Variants in LUC7L observed in about 807,000 individuals in gnomAD.
LUC7L encodes LUC7 like.
LUC7L carries 29 observed loss-of-function variants against 51.1 expected under a neutral mutation model. That is an observed-to-expected ratio of 0.57 (90% confidence interval 0.42 to 0.77). The LOEUF (loss-of-function observed/expected upper bound fraction) is 0.77, where lower values mean the gene tolerates loss of function less well. Ranked by LOEUF, LUC7L falls within the 30% of genes least tolerant of loss-of-function variation. LUC7L has a pLI of 0.00. For missense variants in LUC7L, 403 were observed against 511.9 expected, an observed-to-expected ratio of 0.79 and a Z score of 2.05; for synonymous variants, 181 against 180.7, an observed-to-expected ratio of 1.00 and a Z score of -0.01.
At chr16:192,463 G>GTGTTT (rs953207114) in intron 7 of LUC7L, among the ~76,000 whole-genome samples, 1 of 149,992 alleles carries the variant, frequency 6.7e-6, no homozygotes, top group Non-Finnish European at 1.5e-5. Flanking sequence ...GCGCTGGGAC[G>GTGTTT]TGTTTTGTTT....
At chr16:197,824 T>C (rs534328189) in intron 6 of LUC7L, among the ~76,000 whole-genome samples, 1 of 152,218 alleles carries the variant, frequency 6.6e-6, no homozygotes, top group South Asian at 2.1e-4. Flanking sequence ...TCCACTACAT[T>C]TCAGGTATAC....
intron 2 of LUC7L, among the ~76,000 whole-genome samples, chr16:224,294 G>A (rs1328927216): frequency 5.9e-5 from 9 of 151,610 alleles, no homozygotes; most frequent in African/African-American, 9.7e-5. Flanking sequence ...CGAGGAGGGC[G>A]GATCACCTTA....
intron 1 of LUC7L, chr16:228,287 CA>C: frequency 7.7e-6 from 10 of 1,301,254 alleles, no homozygotes; most frequent in Non-Finnish European, 1.0e-5. Flanking sequence ...TGAAAAAAAG[CA>C]AACACTTTTT....
intron 3 of LUC7L, among the ~76,000 whole-genome samples, chr16:214,261 T>C (rs2049725459): frequency 6.6e-6 from 1 of 151,432 alleles, no homozygotes; most frequent in South Asian, 2.1e-4. Context: ...AGAGACAGTG[T>C]TTCACCATGT....
chr16:208,284 T>C (rs2049543257), intron 3 of LUC7L, 96 bp from the exon 4 acceptor site: 4 of 871,072 alleles, frequency 4.6e-6, no homozygotes, highest in Non-Finnish European at 7.3e-6. Flanking sequence ...CCTAGGTTCG[T>C]TTCTTTAAAG....
chr16:223,961 A>T (rs912387482), intron 2 of LUC7L, among the ~76,000 whole-genome samples: 6 of 151,928 alleles, frequency 3.9e-5, no homozygotes, highest in African/African-American at 1.5e-4. Context: ...TACAGGTATG[A>T]GCCACCGCAC....
At chr16:202,240 A>G (rs1177724118) in intron 5 of LUC7L, among the ~76,000 whole-genome samples, 2 of 121,660 alleles carry the variant, frequency 1.6e-5, no homozygotes, top group South Asian at 5.3e-4. Flanking sequence ...TCACATGGCA[A>G]AAGAAGGAGT....
intron 5 of LUC7L, among the ~76,000 whole-genome samples, chr16:200,247 C>A (rs1406751875): frequency 6.6e-6 from 1 of 151,798 alleles, no homozygotes; most frequent in African/African-American, 2.4e-5. Context: ...ACGGTGAAAC[C>A]CCGTCTCTAC....
intron 1 of LUC7L, chr16:227,538 T>C (rs1482546083): frequency 6.4e-6 from 9 of 1,405,044 alleles, no homozygotes; most frequent in Non-Finnish European, 7.4e-6. Flanking sequence ...TCATGGAGAA[T>C]CACACTTAAT....
At chr16:220,573 G>A (rs1319942033) in intron 3 of LUC7L, 76 bp downstream of exon 3, 32 of 1,079,280 alleles carry the variant, frequency 3.0e-5, no homozygotes, top group Middle Eastern at 2.1e-4. Context: ...CATAACTTAC[G>A]TATGTTACAT....
intron 2 of LUC7L, among the ~76,000 whole-genome samples, chr16:221,399 G>A (rs1596676475): frequency 6.6e-6 from 1 of 152,050 alleles, no homozygotes; most frequent in Admixed American, 6.6e-5. Flanking sequence ...ATGTGGGGTG[G>A]CAGGGATAGG....
chr16:189,837 A>G lies in LUC7L; in HGVS notation c.974+131T>C. Reference sequence around the variant, plus strand: ...CTCTTCCCACACCTGAGTCCCGTTCACGACTCCCCAGCCCTACTCCTGAGG... The same window carrying G: ...CTCTTCCCACACCTGAGTCCCGTTCGCGACTCCCCAGCCCTACTCCTGAGG... On this transcript the variant is annotated intron_variant, in intron 9 of 9. Transcript: ENST00000293872. The G allele has an allele frequency of 2.7e-6, 4 of 1,459,734 alleles. No homozygotes were observed. The South Asian group carries it at 5.6e-5, about 20-fold the overall frequency. 90.4% of individuals were successfully genotyped at this position (1,459,734 alleles called of 1,614,324 possible).
chr16:229,428 C>T lies in LUC7L; in HGVS notation c.-89G>A. On this transcript the variant is annotated 5_prime_UTR_variant, in exon 1 of 10. Transcript: ENST00000293872. ...CGTCGACAAACGATGGTCGCGTCGG[C>T]CTCGAGCCCACTCGGCTCTTTCCCG... 5 of 1,213,758 alleles carry T rather than the reference C, an allele frequency of 4.1e-6. No homozygotes were observed. The highest frequency in any genetic ancestry group is 1.6e-5 in the South Asian group (1 of 61,396). 75.2% of individuals were successfully genotyped at this position (1,213,758 alleles called of 1,614,324 possible).
chr16:227,856 G>A (rs544413069), intron 1 of LUC7L: 65 of 1,000,396 alleles, frequency 6.5e-5, no homozygotes, highest in Non-Finnish European at 7.3e-5. Context: ...TTCTTCCTAC[G>A]TCCCTTTCGT....
chr16:203,129 C>G (rs922286621), intron 5 of LUC7L, among the ~76,000 whole-genome samples: 1 of 151,888 alleles, frequency 6.6e-6, no homozygotes, highest in Non-Finnish European at 1.5e-5. Flanking sequence ...GCCTGGGCAA[C>G]AGAGAGAGAC....
chr16:199,555 T>C (rs983621571), intron 5 of LUC7L, among the ~76,000 whole-genome samples: 14 of 151,202 alleles, frequency 9.3e-5, no homozygotes, highest in African/African-American at 3.2e-4. Flanking sequence ...GCGGATCACC[T>C]GAGGTCCGGA....
chr16:229,209 C>G (rs1334618206), intron 1 of LUC7L, 70 bp downstream of exon 1: 27 of 1,508,074 alleles, frequency 1.8e-5, no homozygotes, highest in Non-Finnish European at 2.2e-5. Flanking sequence ...GCGGCCCCCG[C>G]CTCAGGCCGC....
chr16:189,916 C>G (rs767178138), intron 9 of LUC7L, 52 bp downstream of exon 9: 67 of 1,569,540 alleles, frequency 4.3e-5, no homozygotes, highest in Non-Finnish European at 5.4e-5. Flanking sequence ...CCTGGGAACA[C>G]AGAGAAGGGC....
chr16:221,186 A>ATTTTTTTTT (rs372906826), intron 2 of LUC7L, among the ~76,000 whole-genome samples: 60 of 101,250 alleles, frequency 5.9e-4, no homozygotes, highest in Non-Finnish European at 7.3e-4. Flanking sequence ...CACCCAGCTA[A>ATTTTTTTTT]TTTTTTTTTT....
Sources: allele counts gnomAD v4.1 joint callset (sites outside exome capture counted in the v4.1 genomes callset), GRCh38; gene constraint gnomAD v4.1.1; transcripts MANE v1.5; gene names NCBI Gene and HGNC (gene_info 2026-07-23, HGNC 2026-07-21).